The following INPP5A variants were observed in gnomAD, a reference collection of about 807,000 sequenced individuals.
INPP5A encodes the protein 43 kDa inositol polyphosphate 5-phophatase.
A neutral mutation model predicts 65.2 loss-of-function variants in INPP5A; 14 were observed. The observed-to-expected ratio is 0.21, with a 90% confidence interval of 0.14 to 0.34. The LOEUF is 0.34. INPP5A is among the 10% of genes least tolerant of loss of function. The pLI is 1.00. For missense variants in INPP5A, 431 were observed against 545.6 expected, an observed-to-expected ratio of 0.79 and a Z score of 2.09; for synonymous variants, 207 against 208.3, an observed-to-expected ratio of 0.99 and a Z score of 0.05.
chr10:132,602,528 C>G (rs987767503), intron 1 of INPP5A, among the ~76,000 whole-genome samples: 1 of 152,170 alleles, frequency 6.6e-6, no homozygotes, highest in Non-Finnish European at 1.5e-5. Flanking sequence ...CTCCTAACCT[C>G]AGGTGATCCA....
chr10:132,726,860 A>G lies in INPP5A; in HGVS notation c.687A>G (p.Val229=), dbSNP rs2134582085. The G allele has an allele frequency of 6.2e-7, 1 of 1,610,702 alleles. No individual in the cohort carries two copies. Among genetic ancestry groups the G allele is most frequent in the Non-Finnish European group, 8.5e-7 (1 of 1,177,534 alleles). Residue 229 remains valine, a synonymous_variant, in exon 9 of 16, where the codon GTA becomes GTG. Coordinates refer to ENST00000368594, the MANE Select transcript of INPP5A (RefSeq NM_005539.5). ...DQRFEKVSYF[V]FGDFNFRLDS... The stretch of plus-strand genomic sequence containing the variant: ...GATTCGAGAAGGTTTCCTACTTTGT[A>G]TTTGGTGATTTCAACTTCCGGCTGG...
intron 4 of INPP5A, among the ~76,000 whole-genome samples, chr10:132,680,863 C>T (rs2073033559): frequency 1.3e-5 from 2 of 152,272 alleles, no homozygotes. Flanking sequence ...CACTCAATTT[C>T]TCGCTGGGCC....
chr10:132,711,207 C>A (rs904972790), intron 8 of INPP5A, among the ~76,000 whole-genome samples: 2 of 152,134 alleles, frequency 1.3e-5, no homozygotes, highest in Non-Finnish European at 2.9e-5. Context: ...CCCTGCCCCC[C>A]AGTGCTCCGG....
At chr10:132,752,519 G>T (rs1273163717) in intron 11 of INPP5A, among the ~76,000 whole-genome samples, 1 of 141,696 alleles carries the variant, frequency 7.1e-6, no homozygotes, top group Admixed American at 7.0e-5. Context: ...GGGGCGTGGC[G>T]TGGAGGAGGT....
intron 2 of INPP5A, among the ~76,000 whole-genome samples, chr10:132,641,816 G>A (rs1019258953): frequency 1.3e-5 from 2 of 152,214 alleles, no homozygotes; most frequent in Non-Finnish European, 2.9e-5. Context: ...GTGGCCTTTC[G>A]TCTGTTTGGG....
chr10:132,580,945 T>C (rs2071475831), intron 1 of INPP5A, among the ~76,000 whole-genome samples: 1 of 152,218 alleles, frequency 6.6e-6, no homozygotes, highest in Non-Finnish European at 1.5e-5. Context: ...AAGTACACAT[T>C]TGCTGAGTTT....
In INPP5A at chr10:132,723,556, CGTGTGGGG is replaced by C. The variant is rs1564984413; in HGVS notation, c.648-3264_648-3257del. 1.7e-4 allele frequency among the ~76,000 whole-genome samples: 24 copies of C among 139,476 alleles called. No individual in the cohort carries two copies. The South Asian group carries it at 2.1e-3, about 12-fold the overall frequency. The allele number at this position is 139,476 out of a possible 152,430, so 91.5% of individuals were successfully genotyped here. ...GGGGATTGGCCGTGTGGGGATTGGC[CGTGTGGGG>C]ATTGGCCATGTGGGGATTGGCCGTG... On this transcript the variant is annotated intron_variant, in intron 8 of 15. Coordinates refer to ENST00000368594, the MANE Select transcript of INPP5A (RefSeq NM_005539.5).
chr10:132,769,745 G>A (rs1846916008), intron 12 of INPP5A, among the ~76,000 whole-genome samples: 1 of 152,114 alleles, frequency 6.6e-6, no homozygotes, highest in South Asian at 2.1e-4. Flanking sequence ...AAGGCCCTCA[G>A]GGCAGGATTG....
intron 1 of INPP5A, among the ~76,000 whole-genome samples, chr10:132,573,993 C>T (rs534723234): frequency 2.6e-5 from 3 of 113,616 alleles, no homozygotes; most frequent in East Asian, 5.5e-4. Flanking sequence ...GTGTACGTGC[C>T]GTGGGAGGTT....
intron 12 of INPP5A, 89 bp downstream of exon 12, chr10:132,765,935 G>T (rs192771041): frequency 1.8e-4 from 145 of 783,936 alleles, no homozygotes; most frequent in African/African-American, 1.1e-3. Flanking sequence ...GTGTCTGTGT[G>T]TGCCAGTTTG....
intron 8 of INPP5A, among the ~76,000 whole-genome samples, chr10:132,714,261 A>T (rs966059782): frequency 3.3e-5 from 5 of 152,154 alleles, no homozygotes; most frequent in Admixed American, 6.5e-5. Context: ...CCAGCCGCAG[A>T]TCCGGACCTC....
rs576309570 is a variant in INPP5A at position 132,735,360 on chromosome 10, G to A, written c.732+8455G>A. ...GGTTTGTGGACAGTGACACAGTCGTGCATAGCCAGAGCGCATCAGGAAGCC... is the reference window on the plus strand; with the variant it reads ...GGTTTGTGGACAGTGACACAGTCGTACATAGCCAGAGCGCATCAGGAAGCC... On this transcript the variant is annotated intron_variant, in intron 9 of 15. Transcript: ENST00000368594. Among the ~76,000 whole-genome samples, 3 of 152,386 alleles carry A rather than the reference G, an allele frequency of 2.0e-5. No individual in the cohort carries two copies. The East Asian group carries it at 5.8e-4, about 29-fold the overall frequency.
At chr10:132,685,417 G>C (rs1470979030) in intron 4 of INPP5A, among the ~76,000 whole-genome samples, 1 of 152,272 alleles carries the variant, frequency 6.6e-6, no homozygotes, top group Non-Finnish European at 1.5e-5. Flanking sequence ...TCCCCTTTCT[G>C]TCTCGAGCAG....
At chr10:132,766,305 CA>C (rs1846843976) in intron 12 of INPP5A, among the ~76,000 whole-genome samples, 1 of 152,178 alleles carries the variant, frequency 6.6e-6, no homozygotes, top group Admixed American at 6.5e-5. Context: ...TATCTTTTTC[CA>C]AAAAAGGTTT....
At chr10:132,690,051 A>G (rs569644251) in intron 4 of INPP5A, among the ~76,000 whole-genome samples, 4 of 152,216 alleles carry the variant, frequency 2.6e-5, no homozygotes, top group African/African-American at 4.8e-5. Context: ...GGTCCACTCA[A>G]TGCCCAGCCC....
chr10:132,610,662 G>A (rs1055020405), intron 2 of INPP5A, among the ~76,000 whole-genome samples: 2 of 152,240 alleles, frequency 1.3e-5, no homozygotes, highest in Non-Finnish European at 2.9e-5. Context: ...ACCCAGTGCT[G>A]GGTCGGCTGG....
rs950167423 is a variant in INPP5A at position 132,678,372 on chromosome 10, T to C, written c.307-12020T>C. Among the ~76,000 whole-genome samples, 2 of 152,244 alleles carry C rather than the reference T, an allele frequency of 1.3e-5. No individual in the cohort carries two copies. Among genetic ancestry groups the C allele is most frequent in the Non-Finnish European group, 2.9e-5 (2 of 68,040 alleles). On this transcript the variant is annotated intron_variant, in intron 4 of 15. Transcript: ENST00000368594. The surrounding 1 kb of genome is among the most constrained non-coding windows in gnomAD (Gnocchi z 4.1). ...ATTGTTTATAATCTAATGACTGTTA[T>C]TATAACTTTGCTTTGATTTATTACT...
chr10:132,660,426 T>C (rs1193498481), intron 4 of INPP5A, among the ~76,000 whole-genome samples: 3 of 152,216 alleles, frequency 2.0e-5, no homozygotes, highest in Non-Finnish European at 4.4e-5. Flanking sequence ...TGTGTGTTAC[T>C]AGCTTTTAAA....
At position 132,631,532 on chromosome 10, in the gene INPP5A, G is replaced by A. The variant is rs561006353; in HGVS notation, c.118-14336G>A. On this transcript the variant is annotated intron_variant, in intron 2 of 15. Coordinates refer to ENST00000368594, the MANE Select transcript of INPP5A (RefSeq NM_005539.5). ...CTTGGCATGGGGCTTCCACTGGGGT[G>A]CTGTGCAGGATGTAATTCCTTTTTA... Among the ~76,000 whole-genome samples the A allele has an allele frequency of 1.9e-3, 285 of 152,372 alleles. 8 individuals are homozygous for A. The South Asian group carries it at 0.058, about 31-fold the overall frequency.
Sources: gnomAD v4.1 joint callset for allele counts (sites outside exome capture counted in the v4.1 genomes callset) on GRCh38, gnomAD v4.1.1 for gene constraint, Gnocchi (gnomAD v3.1) non-coding constraint, MANE v1.5 for transcripts, NCBI Gene and HGNC (gene_info 2026-07-23, HGNC 2026-07-21) for gene names.